Variants in SLC12A5 observed in about 807,000 individuals in gnomAD.
SLC12A5 encodes the protein solute carrier family 12 member 5.
Under a neutral mutation model 124.0 loss-of-function variants are expected in SLC12A5, and 18 were observed. The ratio of observed to expected loss-of-function variants is 0.15; its 90% CI spans 0.10 to 0.22. SLC12A5 has a LOEUF of 0.22. Among genes scored for constraint, SLC12A5 ranks in the 10% least tolerant of loss-of-function variants. The pLI, the probability that SLC12A5 is intolerant of heterozygous loss-of-function variation, is 1.00. For missense variants in SLC12A5, 867 were observed against 1,478.7 expected (o/e 0.59, Z 6.78); for synonymous variants, 589 against 568.0 (o/e 1.04, Z -0.53).
intron 1 of SLC12A5, among the ~76,000 whole-genome samples, chr20:46,031,313 A>C (rs1016306288): frequency 6.6e-6 from 1 of 152,132 alleles, no homozygotes; most frequent in African/African-American, 2.4e-5. Context: ...TTCTTTCTAT[A>C]CATAGGGTCC....
chr20:46,036,484 G>A (rs2084499842), intron 4 of SLC12A5: 1 of 412,066 alleles, frequency 2.4e-6, no homozygotes, highest in Non-Finnish European at 4.6e-6. Context: ...TCAGGCAGCT[G>A]GTCTGAGACC....
chr20:46,043,580 G>C (rs750430854), intron 9 of SLC12A5, 53 bp from the exon 10 acceptor site: 5 of 1,581,728 alleles, frequency 3.2e-6, no homozygotes, highest in East Asian at 2.2e-5. Context: ...TTTCTCATCT[G>C]TCTGGTCTCC....
rs2084506941 is a variant in SLC12A5, at chr20:46,037,295, A to G, written c.522A>G (p.Pro174=). ...SYYMISRSLG[P]EFGGAVGLCF... ...ACATGATTTCCAGGTCTCTGGGCCC[A>G]GAGTTTGGGGGTGCCGTGGGCCTCT... Residue 174 remains proline, a synonymous_variant, in exon 6 of 26, where the codon CCA becomes CCG. Transcript: ENST00000243964. The G allele has an allele frequency of 6.2e-7, 1 of 1,611,480 alleles. No individual in the cohort carries two copies. The highest frequency in any genetic ancestry group is 8.5e-7 in the Non-Finnish European group (1 of 1,178,668).
rs1462751577 is a variant in SLC12A5 at position 46,029,410 on chromosome 20, CG to C, written c.52+19del. Reference sequence around the variant, plus strand: ...GAGCCAACCCGGGTAAGCTGTGGTCCGGGGGCGGCGGGGGAGGGGGCAGCGA... The same window carrying C: ...GAGCCAACCCGGGTAAGCTGTGGTCCGGGGCGGCGGGGGAGGGGGCAGCGA... On this transcript the variant is annotated intron_variant, in intron 1 of 25. Coordinates refer to ENST00000243964, the MANE Select transcript of SLC12A5 (RefSeq NM_020708.5). The C allele has an allele frequency of 2.3e-5, 35 of 1,505,418 alleles. No individual in the cohort carries two copies. The African/African-American group carries it at 4.9e-4, about 21-fold the overall frequency. The allele number at this position is 1,505,418 out of a possible 1,614,324, so 93.3% of individuals were successfully genotyped here. A position where few individuals can be genotyped will look rare whatever the true frequency, so the allele number is the denominator to read the frequency against.
At chr20:46,035,077 A>G (rs1336007012) in intron 2 of SLC12A5, 35 bp downstream of exon 2, 1 of 1,598,278 alleles carries the variant, frequency 6.3e-7, no homozygotes, top group Admixed American at 1.7e-5. Context: ...CCCACCTACA[A>G]TTCATTATCC....
At chr20:46,052,854 G>C (rs1279249472) in intron 18 of SLC12A5, 103 bp from the exon 19 acceptor site, 1 of 1,297,420 alleles carries the variant, frequency 7.7e-7, no homozygotes, top group East Asian at 2.5e-5. Flanking sequence ...CAGTTGGAGT[G>C]GGGTGGAGTG....
chr20:46,032,471 G>A lies in SLC12A5; in HGVS notation c.53-2477G>A, dbSNP rs568115801. On this transcript the variant is annotated intron_variant, in intron 1 of 25. Transcript: ENST00000243964. Reference sequence around the variant, plus strand: ...CTGGAGATGTGGGATGGGGAGCCCCGGCTGGGTGGGCACCAAGTATGTTAA... The same window carrying A: ...CTGGAGATGTGGGATGGGGAGCCCCAGCTGGGTGGGCACCAAGTATGTTAA... Among the ~76,000 whole-genome samples, 4 of 152,364 alleles carry A rather than the reference G, an allele frequency of 2.6e-5. No homozygotes were observed. The South Asian group carries it at 8.3e-4, about 32-fold the overall frequency.
In SLC12A5 at chr20:46,053,366, C is replaced by T. The variant is rs2084662900; in HGVS notation, c.2548-212C>T. On this transcript the variant is annotated intron_variant, in intron 19 of 25. Coordinates refer to ENST00000243964, the MANE Select transcript of SLC12A5 (RefSeq NM_020708.5). The surrounding 1 kb of genome is among the most constrained non-coding windows in gnomAD (Gnocchi z 4.7). ...TGCTGTAAGGAGAGCAATGCTTAGC[C>T]CAAGCCAGTGATGCTTTCTTTAATG... Among the ~76,000 whole-genome samples the T allele has an allele frequency of 1.3e-5, 2 of 152,178 alleles. No individual in the cohort carries two copies. The highest frequency in any genetic ancestry group is 2.9e-5 in the Non-Finnish European group (2 of 68,040).
intron 15 of SLC12A5, 47 bp from the exon 16 acceptor site, chr20:46,047,934 C>A: frequency 6.5e-7 from 1 of 1,530,344 alleles, no homozygotes; most frequent in Non-Finnish European, 8.9e-7. Flanking sequence ...TTCTCCCTGC[C>A]CCCTCCTGGC....
chr20:46,022,011 C>CTGAGAGGG, intron 1 of SLC12A5: 1 of 1,154,404 alleles, frequency 8.7e-7, no homozygotes. Flanking sequence ...AGCCCTAGGC[C>CTGAGAGGG]TGAGAGGGGA....
chr20:46,040,498 T>C lies in SLC12A5; in HGVS notation c.738T>C (p.Phe246=). 1 of 1,614,258 alleles carries C rather than the reference T, an allele frequency of 6.2e-7. No individual in the cohort carries two copies. Among genetic ancestry groups the C allele is most frequent in the East Asian group, 2.2e-5 (1 of 44,884 alleles). ...TCACCTGCATGGCCACTGTGGTGTT[T>C]GTGGGTGTCAAGTATGTCAACAAGT... The part of the protein sequence containing the change: ...CVLTCMATVV[F]VGVKYVNKFA... The change falls in exon 7 of 26, where the codon TTT becomes TTC. Residue 246 remains phenylalanine, a synonymous_variant. Coordinates refer to ENST00000243964, the MANE Select transcript of SLC12A5 (RefSeq NM_020708.5).
chr20:46,059,351 G>A lies in SLC12A5; in HGVS notation c.*1746G>A. 1 of 382,948 alleles carries A rather than the reference G, an allele frequency of 2.6e-6. No homozygotes were observed. Among genetic ancestry groups the A allele is most frequent in the Non-Finnish European group, 4.6e-6 (1 of 216,766 alleles). 23.7% of individuals were successfully genotyped at this position (382,948 alleles called of 1,614,324 possible). The stretch of plus-strand genomic sequence containing the variant: ...GTGGCTGGGGTAGGTTTGGAGGTCT[G>A]CCAGTTACACCAAGTCCCCTCTGAG... On this transcript the variant is annotated 3_prime_UTR_variant, in exon 26 of 26. Coordinates refer to ENST00000243964, the MANE Select transcript of SLC12A5 (RefSeq NM_020708.5).
chr20:46,035,174 C>T (rs1277936900), intron 2 of SLC12A5, 132 bp downstream of exon 2: 1 of 1,029,382 alleles, frequency 9.7e-7, no homozygotes, highest in Non-Finnish European at 1.5e-6. Context: ...CTTCCTTGAG[C>T]CTCCCCATCC....
chr20:46,056,351 C>T lies in SLC12A5; in HGVS notation c.2911-14C>T, dbSNP rs1263881947. The T allele has an allele frequency of 6.2e-7, 1 of 1,608,492 alleles. No homozygotes were observed. On this transcript the variant is annotated splice_polypyrimidine_tract_variant and intron_variant, in intron 22 of 25. Transcript: ENST00000243964. The surrounding 1 kb of genome is among the most constrained non-coding windows in gnomAD (Gnocchi z 4.3). ...CCAAAGGACTCAACTGCCATCGCTT[C>T]ATTCATCCCTCAGGTGCAGCTGATC...
chr20:46,043,376 G>C, intron 9 of SLC12A5, 53 bp downstream of exon 9: 1 of 1,578,278 alleles, frequency 6.3e-7, no homozygotes, highest in Non-Finnish European at 8.6e-7. Flanking sequence ...ATGGGGAAGA[G>C]AGAGTCGATG....
At position 46,058,292 on chromosome 20, in the gene SLC12A5, T is replaced by G. The variant is rs1342176372; in HGVS notation, c.*687T>G. 7.6e-6 allele frequency: 3 copies of G among 396,460 alleles called. No individual in the cohort carries two copies. The highest frequency in any genetic ancestry group is 8.9e-6 in the Non-Finnish European group (2 of 225,076). 24.6% of individuals were successfully genotyped at this position (396,460 alleles called of 1,614,324 possible). On this transcript the variant is annotated 3_prime_UTR_variant, in exon 26 of 26. Transcript: ENST00000243964. The surrounding 1 kb of genome is among the most constrained non-coding windows in gnomAD (Gnocchi z 5.8). Reference sequence around the variant, plus strand: ...CCAAGAGTTTGAGAGCGAAAGTGCTTTAGGCCCAGGCGGGGGTCGTGGCCT... The same window carrying G: ...CCAAGAGTTTGAGAGCGAAAGTGCTGTAGGCCCAGGCGGGGGTCGTGGCCT...
At chr20:46,039,336 AAC>A (rs1166307390) in intron 6 of SLC12A5, among the ~76,000 whole-genome samples, 2 of 152,238 alleles carry the variant, frequency 1.3e-5, no homozygotes, top group Admixed American at 1.3e-4. Flanking sequence ...TACTTATGAA[AAC>A]ACATACAGAC....
chr20:46,043,500 C>T, intron 9 of SLC12A5, 133 bp from the exon 10 acceptor site: 3 of 1,170,796 alleles, frequency 2.6e-6, no homozygotes, highest in Non-Finnish European at 3.7e-6. Flanking sequence ...GTAACATGTC[C>T]AAGGTCTCAC....
At chr20:46,048,178 C>G in intron 16 of SLC12A5, 93 bp downstream of exon 16, 1 of 1,181,972 alleles carries the variant, frequency 8.5e-7, no homozygotes, top group Non-Finnish European at 1.2e-6. Flanking sequence ...CTGACTTATC[C>G]TGCTTGCTTT....
Sources: gnomAD v4.1 joint callset for allele counts (sites outside exome capture counted in the v4.1 genomes callset) on GRCh38, gnomAD v4.1.1 for gene constraint, Gnocchi (gnomAD v3.1) non-coding constraint, MANE v1.5 for transcripts, NCBI Gene and HGNC (gene_info 2026-07-23, HGNC 2026-07-21) for gene names.